Variants in UNC13C observed in about 807,000 individuals in gnomAD.
UNC13C encodes the protein protein unc-13 homolog C.
UNC13C carries 174 observed loss-of-function variants against 245.4 expected under a neutral mutation model. The observed-to-expected ratio is 0.71, with a 90% confidence interval of 0.63 to 0.80. The LOEUF (loss-of-function observed/expected upper bound fraction) is 0.80. UNC13C is among the 30% of genes least tolerant of loss of function. The pLI is 0.00. For missense variants in UNC13C, 2,829 were observed against 2,602.9 expected (o/e 1.09, Z -1.89); for synonymous variants, 992 against 895.1 (o/e 1.11, Z -1.93).
chr15:54,130,418 G>T (rs571273808), intron 2 of UNC13C, among the ~76,000 whole-genome samples: 21 of 148,832 alleles, frequency 1.4e-4, no homozygotes, highest in African/African-American at 5.2e-4. Flanking sequence ...TCAGCCTCCC[G>T]AGTAGCTGGG....
chr15:54,494,808 A>G (rs1893879426), intron 20 of UNC13C, 74 bp downstream of exon 20: 2 of 1,525,252 alleles, frequency 1.3e-6, no homozygotes, highest in Non-Finnish European at 1.8e-6. Flanking sequence ...TGAATTGTGT[A>G]CCACTAAAAT....
intron 1 of UNC13C, among the ~76,000 whole-genome samples, chr15:53,986,512 T>A (rs1379673713): frequency 6.6e-6 from 1 of 152,100 alleles, no homozygotes; most frequent in East Asian, 1.9e-4. Context: ...TCTATAAGAA[T>A]GAATAAGACA....
rs370392500 is a variant in UNC13C at position 54,013,158 on chromosome 15, G to A, written c.255G>A (p.Glu85=). 40 of 1,613,850 alleles carry A rather than the reference G, an allele frequency of 2.5e-5. No homozygotes were observed. In the African/African-American group the frequency reaches 3.7e-4, roughly 15 times the overall value. The change falls in exon 2 of 33, where the codon GAG becomes GAA. Residue 85 remains glutamate, a synonymous_variant. Transcript: ENST00000260323. The part of the protein sequence containing the change: ...LSTEEDEASK[E]FSLSPTFSYR... ...CTGAGGAAGACGAGGCCAGTAAAGA[G>A]TTTTCCCTCTCACCAACATTCAGTT...
rs747783124 is a variant in UNC13C at position 54,494,618 on chromosome 15, T to C, written c.4944T>C (p.Asn1648=). ...TTTTATCTGTTATAGAACATGAAAA[T>C]CAGCGGTTATGCAAGAGCACCGATT... ...DMKYALEEHE[N]QRLCKSTDYM... The change falls in exon 20 of 33, where the codon AAT becomes AAC. Residue 1648 remains asparagine (N), a synonymous_variant. Transcript: ENST00000260323. The C allele has an allele frequency of 5.0e-6, 8 of 1,607,314 alleles. No individual in the cohort carries two copies. Among genetic ancestry groups the C allele is most frequent in the Admixed American group, 1.7e-5 (1 of 58,870 alleles).
intron 10 of UNC13C, among the ~76,000 whole-genome samples, chr15:54,273,036 T>C (rs1596123270): frequency 1.3e-5 from 2 of 152,296 alleles, no homozygotes; most frequent in Non-Finnish European, 2.9e-5. Flanking sequence ...CTCCCAGATC[T>C]TTAGGGAGCA....
chr15:54,615,797 C>G (rs1196643594), intron 30 of UNC13C, among the ~76,000 whole-genome samples: 4 of 152,116 alleles, frequency 2.6e-5, no homozygotes, highest in South Asian at 2.1e-4. Context: ...AAGTTCTTCT[C>G]TTGTTTGACA....
chr15:54,245,609 G>C (rs1345667621), intron 7 of UNC13C, among the ~76,000 whole-genome samples: 1 of 151,984 alleles, frequency 6.6e-6, no homozygotes, highest in African/African-American at 2.4e-5. Flanking sequence ...TTTATAGTCA[G>C]GATTTTATCC....
chr15:54,147,772 G>A (rs1251849777), intron 4 of UNC13C, among the ~76,000 whole-genome samples: 1 of 145,656 alleles, frequency 6.9e-6, no homozygotes, highest in African/African-American at 2.6e-5. Context: ...ATTATAAGAA[G>A]CATTGCAAGG....
chr15:54,629,308 A>C (rs1043474702), downstream of UNC13C: 11 of 152,144 alleles, frequency 7.2e-5, no homozygotes, highest in African/African-American at 2.7e-4. Context: ...GGGAAAAGAT[A>C]AGAAAAAGTA....
At chr15:54,629,007 T>G (rs1014084664), downstream of UNC13C, 1 of 152,122 alleles carries the variant, frequency 6.6e-6, no homozygotes, top group Non-Finnish European at 1.5e-5. Flanking sequence ...TGCAGCACTA[T>G]TCACAATAGC....
At chr15:54,630,697 C>CTCTT (rs1033665275), downstream of UNC13C, 43 of 152,138 alleles carry the variant, frequency 2.8e-4, 1 homozygote, top group African/African-American at 9.6e-4. Flanking sequence ...TGCCCCTTTG[C>CTCTT]TCTTTTGACT....
At chr15:54,214,499 A>C (rs2034980494) in intron 4 of UNC13C, among the ~76,000 whole-genome samples, 1 of 152,088 alleles carries the variant, frequency 6.6e-6, no homozygotes, top group East Asian at 1.9e-4. Flanking sequence ...AAAGTCTGAC[A>C]ACCACTTAAT....
chr15:54,498,651 G>A (rs1018819253), intron 20 of UNC13C, among the ~76,000 whole-genome samples: 10 of 151,928 alleles, frequency 6.6e-5, no homozygotes, highest in Non-Finnish European at 1.3e-4. Context: ...TATATAAATT[G>A]TACCATTTAA....
intron 1 of UNC13C, among the ~76,000 whole-genome samples, chr15:53,991,339 A>C (rs530284491): frequency 2.6e-5 from 4 of 152,118 alleles, no homozygotes; most frequent in African/African-American, 9.6e-5. Flanking sequence ...GTCTAAAATT[A>C]TGTGGGTGGG....
intron 30 of UNC13C, among the ~76,000 whole-genome samples, chr15:54,616,628 A>C (rs1311793782): frequency 2.0e-5 from 3 of 152,120 alleles, no homozygotes; most frequent in Non-Finnish European, 4.4e-5. Flanking sequence ...AAGGTTATAA[A>C]GAAAGATGAT....
intron 10 of UNC13C, among the ~76,000 whole-genome samples, chr15:54,277,100 C>G (rs1393564012): frequency 2.0e-5 from 3 of 151,952 alleles, no homozygotes; most frequent in Non-Finnish European, 4.4e-5. Flanking sequence ...AAAGACATGC[C>G]TTTCTTTTCT....
chr15:54,493,363 C>G (rs1019780572), intron 19 of UNC13C, among the ~76,000 whole-genome samples: 1 of 151,614 alleles, frequency 6.6e-6, no homozygotes, highest in Non-Finnish European at 1.5e-5. Flanking sequence ...CTTTATGTTC[C>G]CCTCCCTCCC....
At chr15:53,994,882 C>G (rs796898098) in intron 1 of UNC13C, among the ~76,000 whole-genome samples, 12 of 151,798 alleles carry the variant, frequency 7.9e-5, no homozygotes, top group African/African-American at 2.7e-4. Flanking sequence ...AGGGCCTGAA[C>G]TAAGGTGGTA....
chr15:53,973,586 A>T (rs1013601646), upstream of UNC13C, among the ~76,000 whole-genome samples: 98 of 35,500 alleles, frequency 2.8e-3, no homozygotes, highest in African/African-American at 0.01. Flanking sequence ...CAACAAAATT[A>T]AAAAAAAAAA....
Sources: allele counts gnomAD v4.1 joint callset (sites outside exome capture counted in the v4.1 genomes callset), GRCh38; gene constraint gnomAD v4.1.1; transcripts MANE v1.5; gene names NCBI Gene and HGNC (gene_info 2026-07-23, HGNC 2026-07-21).